Variants in GREB1L observed in about 807,000 individuals in gnomAD.
The protein encoded by GREB1L is GREB1-like protein.
GREB1L carries 17 observed loss-of-function variants against 200.8 expected under a neutral mutation model. The observed-to-expected ratio is 0.08, with a 90% CI of 0.06 to 0.13. The LOEUF is 0.13. GREB1L is among the 10% of genes least tolerant of loss of function. The pLI is 1.00. For missense variants in GREB1L, 1,657 were observed against 2,367.7 expected, an observed-to-expected ratio of 0.70 and a Z score of 6.23; for synonymous variants, 789 against 893.0, an observed-to-expected ratio of 0.88 and a Z score of 2.08.
chr18:21,325,813 CAAAAAAAAAAAAAA>C (rs60239796), intron 1 of GREB1L, among the ~76,000 whole-genome samples: 20 of 41,658 alleles, frequency 4.8e-4, no homozygotes, highest in Admixed American at 1.4e-3. Context: ...GACCTTGTCT[CAAAAAAAAAAAAAA>C]AAAAAAAAAA....
At chr18:21,248,156 G>C (rs1369255408) in intron 1 of GREB1L, among the ~76,000 whole-genome samples, 1 of 152,142 alleles carries the variant, frequency 6.6e-6, no homozygotes, top group Non-Finnish European at 1.5e-5. Context: ...TCAGATGTGT[G>C]GAGGGGCCAA....
intron 23 of GREB1L, among the ~76,000 whole-genome samples, chr18:21,501,362 G>A (rs577331434): frequency 7.9e-5 from 12 of 151,752 alleles, no homozygotes; most frequent in Non-Finnish European, 1.6e-4. Flanking sequence ...CGTCATCTAC[G>A]TTTTAAGCCC....
At chr18:21,362,612 C>T (rs543140049) in intron 1 of GREB1L, among the ~76,000 whole-genome samples, 1 of 152,116 alleles carries the variant, frequency 6.6e-6, no homozygotes, top group Non-Finnish European at 1.5e-5. Flanking sequence ...AGAGGTTTTC[C>T]TGTGTTGCTC....
intron 1 of GREB1L, among the ~76,000 whole-genome samples, chr18:21,275,999 C>G (rs1489632304): frequency 2.0e-5 from 3 of 152,134 alleles, no homozygotes; most frequent in Non-Finnish European, 4.4e-5. Flanking sequence ...AGTCTCTTCT[C>G]TTTGGGATGG....
intron 17 of GREB1L, among the ~76,000 whole-genome samples, chr18:21,482,515 T>C: frequency 6.6e-6 from 1 of 152,190 alleles, no homozygotes; most frequent in East Asian, 1.9e-4. Context: ...CTCCTCGGCC[T>C]TCCAAAGTGC....
intron 2 of GREB1L, among the ~76,000 whole-genome samples, chr18:21,371,012 C>T (rs765185802): frequency 3.3e-5 from 5 of 151,854 alleles, no homozygotes; most frequent in African/African-American, 1.2e-4. Flanking sequence ...CTTGAGCCCA[C>T]GAGGTGGAGG....
chr18:21,252,540 A>G (rs1320999511), intron 1 of GREB1L, among the ~76,000 whole-genome samples: 3 of 138,534 alleles, frequency 2.2e-5, no homozygotes, highest in Admixed American at 7.4e-5. Context: ...CTGGGCAACA[A>G]GAGTGAAACT....
intron 1 of GREB1L, among the ~76,000 whole-genome samples, chr18:21,325,226 G>C (rs1457071610): frequency 6.6e-6 from 1 of 152,200 alleles, no homozygotes; most frequent in Admixed American, 6.5e-5. Context: ...ATTATGAAGA[G>C]AGCGTTTTTG....
At chr18:21,486,898 A>G (rs1178460399) in intron 18 of GREB1L, among the ~76,000 whole-genome samples, 1 of 152,226 alleles carries the variant, frequency 6.6e-6, no homozygotes, top group African/African-American at 2.4e-5. Flanking sequence ...TTTAACAGCT[A>G]TTTAACAAAC....
chr18:21,391,097 A>G (rs2040782951), intron 4 of GREB1L, among the ~76,000 whole-genome samples: 1 of 152,244 alleles, frequency 6.6e-6, no homozygotes, highest in African/African-American at 2.4e-5. Flanking sequence ...TACAGCATTT[A>G]CAAAGTGTAC....
At chr18:21,462,188 T>C (rs2035071811) in intron 15 of GREB1L, among the ~76,000 whole-genome samples, 1 of 152,226 alleles carries the variant, frequency 6.6e-6, no homozygotes, top group Non-Finnish European at 1.5e-5. Flanking sequence ...CCTGCTGATA[T>C]CCATGTTTTA....
At chr18:21,308,277 CTG>C (rs1428630840) in intron 1 of GREB1L, among the ~76,000 whole-genome samples, 7 of 152,190 alleles carry the variant, frequency 4.6e-5, no homozygotes, top group Admixed American at 2.0e-4. Context: ...GAAATAGCTA[CTG>C]TAAACCAGAC....
At chr18:21,409,134 A>G (rs2030649195) in intron 7 of GREB1L, among the ~76,000 whole-genome samples, 1 of 152,258 alleles carries the variant, frequency 6.6e-6, no homozygotes, top group Non-Finnish European at 1.5e-5. Flanking sequence ...AATGTTGATT[A>G]ACTTGTGAAT....
intron 1 of GREB1L, among the ~76,000 whole-genome samples, chr18:21,260,307 T>C (rs1210768741): frequency 6.6e-6 from 1 of 151,992 alleles, no homozygotes; most frequent in African/African-American, 2.4e-5. Flanking sequence ...ATGTTATTTT[T>C]AAATACATTT....
chr18:21,449,653 T>G lies in GREB1L; in HGVS notation c.1537T>G (p.Leu513Val). Residue 513 changes from leucine (L) to valine (V), a missense_variant, in exon 12 of 33, where the codon TTA becomes GTA. By Grantham distance (32) the Leu-to-Val change is conservative. This residue lies in a region of GREB1L where 289 missense variants were observed against 345.1 expected (regional missense o/e 0.84). Transcript: ENST00000424526. The stretch of plus-strand genomic sequence containing the variant: ...AGGACAACTCCCCTGGCTTGCTAGA[T>G]TAATTGCCAGCGTATCTCAAGACTT... Reference protein sequence around the residue: ...SPGQLPWLARLIASVSQDLVH... With the variant: ...SPGQLPWLARVIASVSQDLVH... 1 of 1,551,704 alleles carries G rather than the reference T, an allele frequency of 6.4e-7. No individual in the cohort carries two copies. The highest frequency in any genetic ancestry group is 1.2e-5 in the South Asian group (1 of 84,056).
In GREB1L at chr18:21,444,348, C is replaced by T. The variant is rs1387334234; in HGVS notation, c.1332C>T (p.Gly444=). 6.4e-7 allele frequency: 1 copy of T among 1,552,256 alleles called. No homozygotes were observed. Among genetic ancestry groups the T allele is most frequent in the Admixed American group, 2.0e-5 (1 of 51,002 alleles). Residue 444 remains glycine, a synonymous_variant, in exon 11 of 33, where the codon GGC becomes GGT. Coordinates refer to ENST00000424526, the MANE Select transcript of GREB1L (RefSeq NM_001142966.3). ...NKDLEKLGLT[G]SQFLSVENMI... ...ATTTGGAAAAATTAGGGTTGACCGGCAGCCAATTTCTGAGCGTGGAAAACA... is the reference window on the plus strand; with the variant it reads ...ATTTGGAAAAATTAGGGTTGACCGGTAGCCAATTTCTGAGCGTGGAAAACA...
intron 23 of GREB1L, among the ~76,000 whole-genome samples, chr18:21,504,101 T>C (rs558730113): frequency 2.0e-5 from 3 of 152,182 alleles, no homozygotes; most frequent in African/African-American, 7.2e-5. Flanking sequence ...ACCCAGCTAA[T>C]TTTGGTATTT....
At chr18:21,365,874 A>T (rs1367630003) in intron 1 of GREB1L, among the ~76,000 whole-genome samples, 153 bp from the exon 2 acceptor site, 1 of 152,116 alleles carries the variant, frequency 6.6e-6, no homozygotes, top group Non-Finnish European at 1.5e-5. Context: ...GCTCATTATA[A>T]TGTATATGGA....
At chr18:21,390,796 A>G (rs1025522983) in intron 4 of GREB1L, among the ~76,000 whole-genome samples, 1 of 152,148 alleles carries the variant, frequency 6.6e-6, no homozygotes, top group African/African-American at 2.4e-5. Context: ...TGGCCTCCCA[A>G]AGTGCTGGGA....
Sources: allele counts gnomAD v4.1 joint callset (sites outside exome capture counted in the v4.1 genomes callset), GRCh38; gene constraint gnomAD v4.1.1; regional missense constraint gnomAD v4.1.1; transcripts MANE v1.5; gene names NCBI Gene and HGNC (gene_info 2026-07-23, HGNC 2026-07-21).